Variants in WDR70 observed in about 807,000 individuals in gnomAD.
WDR70 encodes the protein WD repeat-containing protein 70.
Under a neutral mutation model 88.6 loss-of-function variants are expected in WDR70, and 53 were observed. The ratio of observed to expected loss-of-function variants is 0.60; its 90% confidence interval spans 0.48 to 0.75. The LOEUF (loss-of-function observed/expected upper bound fraction) is 0.75. Among genes scored for constraint, WDR70 ranks in the 30% least tolerant of loss-of-function variants. WDR70 has a pLI of 0.00. For synonymous variants in WDR70, 280 were observed against 270.0 expected, an observed-to-expected ratio of 1.04 and a Z score of -0.36; for missense variants, 610 against 823.2, an observed-to-expected ratio of 0.74 and a Z score of 3.17.
intron 9 of WDR70, among the ~76,000 whole-genome samples, chr5:37,604,802 C>A (rs1328036740): frequency 6.6e-6 from 1 of 152,160 alleles, no homozygotes; most frequent in African/African-American, 2.4e-5. Context: ...GAATTAATAA[C>A]GTTGATCGAT....
intron 7 of WDR70, among the ~76,000 whole-genome samples, chr5:37,464,989 C>T (rs1350393224): frequency 6.6e-6 from 1 of 152,142 alleles, no homozygotes; most frequent in Admixed American, 6.6e-5. Flanking sequence ...AGGATGAATT[C>T]GGAGCTGAGA....
At chr5:37,416,412 G>A (rs1413407259) in intron 5 of WDR70, among the ~76,000 whole-genome samples, 1 of 152,108 alleles carries the variant, frequency 6.6e-6, no homozygotes, top group East Asian at 1.9e-4. Context: ...GGTAGACTGA[G>A]GCAGGAGAAT....
chr5:37,504,649 G>A (rs540776879), intron 8 of WDR70, among the ~76,000 whole-genome samples: 1 of 152,296 alleles, frequency 6.6e-6, no homozygotes, highest in Admixed American at 6.5e-5. Context: ...TTCTGAAGTT[G>A]CTCTCCTTCA....
chr5:37,481,944 C>T, intron 8 of WDR70, among the ~76,000 whole-genome samples: 1 of 152,170 alleles, frequency 6.6e-6, no homozygotes, highest in East Asian at 1.9e-4. Flanking sequence ...TCACTCTTTC[C>T]CGCCTATCTT....
rs78420711 is a variant in WDR70, at chr5:37,632,507, C to T, written c.1092+27269C>T. 3.6e-3 allele frequency among the ~76,000 whole-genome samples: 549 copies of T among 152,182 alleles called. 2 individuals carry two copies. The highest frequency in any genetic ancestry group is 6.7e-3 in the Non-Finnish European group (456 of 67,994). ...GGTGGAAGACACTGATATTGATGAT[C>T]CTGACCCTGTGTAGGTCTAGGCTAA... On this transcript the variant is annotated intron_variant, in intron 10 of 17. Transcript: ENST00000265107.
In WDR70 at chr5:37,541,816, T is replaced by A. The variant is rs549117280; in HGVS notation, c.917+25226T>A. ...TAGAATTCCCAATAGTTGGTAGAAGTAAGAACCAGAGACTTTAAAAAAAAT... is the reference window on the plus strand; with the variant it reads ...TAGAATTCCCAATAGTTGGTAGAAGAAAGAACCAGAGACTTTAAAAAAAAT... On this transcript the variant is annotated intron_variant, in intron 9 of 17. Coordinates refer to ENST00000265107, the MANE Select transcript of WDR70 (RefSeq NM_018034.4). Among the ~76,000 whole-genome samples, 3 of 152,258 alleles carry A rather than the reference T, an allele frequency of 2.0e-5. No individual in the cohort carries two copies. In the South Asian group the frequency reaches 6.2e-4, roughly 32 times the overall value.
chr5:37,620,581 G>A (rs536379918), intron 10 of WDR70, among the ~76,000 whole-genome samples: 1 of 152,110 alleles, frequency 6.6e-6, no homozygotes, highest in South Asian at 2.1e-4. Flanking sequence ...TGAAAAAGGA[G>A]TTAACCATAG....
At chr5:37,569,770 T>C (rs1742848130) in intron 9 of WDR70, among the ~76,000 whole-genome samples, 1 of 152,116 alleles carries the variant, frequency 6.6e-6, no homozygotes, top group Non-Finnish European at 1.5e-5. Context: ...ATTCTAATGA[T>C]AGGAACACAT....
intron 9 of WDR70, among the ~76,000 whole-genome samples, chr5:37,525,059 A>T (rs1464734943): frequency 1.3e-5 from 2 of 152,190 alleles, no homozygotes; most frequent in Non-Finnish European, 2.9e-5. Flanking sequence ...TGTCAATATT[A>T]GATAGATCAA....
intron 7 of WDR70, among the ~76,000 whole-genome samples, chr5:37,475,942 T>C (rs977878897): frequency 6.7e-6 from 1 of 148,302 alleles, no homozygotes; most frequent in African/African-American, 2.5e-5. Flanking sequence ...ACCTCCCGGG[T>C]TCAAGCAATT....
At chr5:37,748,910 C>G (rs892605946) in intron 17 of WDR70, among the ~76,000 whole-genome samples, 1 of 152,168 alleles carries the variant, frequency 6.6e-6, no homozygotes, top group African/African-American at 2.4e-5. Flanking sequence ...CAATGAGATA[C>G]CACCTCACGC....
At chr5:37,415,510 C>T (rs1749690297) in intron 5 of WDR70, among the ~76,000 whole-genome samples, 1 of 67,580 alleles carries the variant, frequency 1.5e-5, no homozygotes, top group Non-Finnish European at 3.8e-5. Context: ...TGGGGGGGGC[C>T]TGACCCCCCC....
rs370734724 is a variant in WDR70 at position 37,582,314 on chromosome 5, A to G, written c.918-22750A>G. Among the ~76,000 whole-genome samples the G allele has an allele frequency of 5.9e-5, 9 of 152,330 alleles. No individual in the cohort carries two copies. In the East Asian group the frequency reaches 7.7e-4, roughly 13 times the overall value. On this transcript the variant is annotated intron_variant, in intron 9 of 17. Transcript: ENST00000265107. Reference sequence around the variant, plus strand: ...AAGCAAGCCTTTTAATATTTCAGGAAAACGTGTATTGATTACAGCCTCTGG... The same window carrying G: ...AAGCAAGCCTTTTAATATTTCAGGAGAACGTGTATTGATTACAGCCTCTGG...
At chr5:37,519,402 G>A (rs866314705) in intron 9 of WDR70, among the ~76,000 whole-genome samples, 10 of 145,108 alleles carry the variant, frequency 6.9e-5, no homozygotes, top group South Asian at 4.5e-4. Flanking sequence ...GGGCGGAGGC[G>A]CTCCTCACTT....
At chr5:37,582,094 G>T (rs1743235414) in intron 9 of WDR70, among the ~76,000 whole-genome samples, 1 of 125,956 alleles carries the variant, frequency 7.9e-6, no homozygotes, top group South Asian at 2.6e-4. Flanking sequence ...GTTTTTATTT[G>T]TTACAGTATT....
chr5:37,678,712 G>C (rs1349234305), intron 10 of WDR70, among the ~76,000 whole-genome samples: 1 of 152,090 alleles, frequency 6.6e-6, no homozygotes, highest in Non-Finnish European at 1.5e-5. Context: ...TATGTGTCTT[G>C]GAGTTGCTCT....
chr5:37,609,315 C>G (rs1744122218), intron 10 of WDR70, among the ~76,000 whole-genome samples: 1 of 152,126 alleles, frequency 6.6e-6, no homozygotes, highest in Non-Finnish European at 1.5e-5. Flanking sequence ...AATAATTCAG[C>G]ATGTATAGTC....
chr5:37,673,584 C>CCCT (rs1554010667), intron 10 of WDR70, among the ~76,000 whole-genome samples: 3 of 10,372 alleles, frequency 2.9e-4, no homozygotes, highest in East Asian at 2.1e-3. Flanking sequence ...ACTTTTCTTA[C>CCCT]CCCCCCCCCA....
chr5:37,608,392 A>G (rs1198970491), intron 10 of WDR70, among the ~76,000 whole-genome samples: 1 of 151,922 alleles, frequency 6.6e-6, no homozygotes, highest in Non-Finnish European at 1.5e-5. Context: ...CATCTCTTTC[A>G]GTTCAGAGGA....
Sources: allele counts gnomAD v4.1 joint callset (sites outside exome capture counted in the v4.1 genomes callset), GRCh38; gene constraint gnomAD v4.1.1; transcripts MANE v1.5; gene names NCBI Gene and HGNC (gene_info 2026-07-23, HGNC 2026-07-21).